The following LDLRAP1 variants were observed in gnomAD, a reference collection of about 807,000 sequenced individuals.
The protein encoded by LDLRAP1 is low density lipoprotein receptor adaptor protein 1, also known as low density lipoprotein receptor adapter protein 1.
In LDLRAP1, 30 loss-of-function variants were observed where a neutral mutation model predicts 37.8. That is an observed-to-expected ratio of 0.79 (90% CI 0.59 to 1.08). The LOEUF is 1.08. Ranked by LOEUF, LDLRAP1 falls within the 50% of genes least tolerant of loss-of-function variation. The pLI is 0.00. For missense variants in LDLRAP1, 375 were observed against 401.6 expected (o/e 0.93, Z 0.57); for synonymous variants, 156 against 169.8 (o/e 0.92, Z 0.63).
At chr1:25,583,393 A>T in the LDLRAP1 span, among the ~76,000 whole-genome samples, 2 of 151,810 alleles carry the variant, frequency 1.3e-5, no homozygotes, top group Non-Finnish European at 2.9e-5. Context: ...GGGTTTCGCC[A>T]TGTTGGCCAG....
At chr1:25,558,128 C>A (rs188447060) in intron 4 of LDLRAP1, among the ~76,000 whole-genome samples, 15 of 152,118 alleles carry the variant, frequency 9.9e-5, no homozygotes, top group Non-Finnish European at 2.2e-4. Flanking sequence ...AGTGGGTCAA[C>A]CTTTGGCATT....
chr1:25,571,998 C>G (rs1209831824), downstream of LDLRAP1, among the ~76,000 whole-genome samples: 1 of 152,160 alleles, frequency 6.6e-6, no homozygotes, highest in Non-Finnish European at 1.5e-5. Flanking sequence ...GCTGGGCTTG[C>G]AGTAGGCCAG....
At chr1:25,580,728 T>C in the LDLRAP1 span, among the ~76,000 whole-genome samples, 11 of 152,138 alleles carry the variant, frequency 7.2e-5, no homozygotes, top group African/African-American at 2.7e-4. Context: ...CCCGGGCTGG[T>C]CTCGAACTCT....
chr1:25,572,949 C>G (rs2044625184), downstream of LDLRAP1, among the ~76,000 whole-genome samples: 1 of 152,204 alleles, frequency 6.6e-6, no homozygotes, highest in Admixed American at 6.5e-5. Context: ...CCGAGTGCAG[C>G]CTCTGGGGCC....
intron 4 of LDLRAP1, among the ~76,000 whole-genome samples, chr1:25,557,619 G>A (rs1477146404): frequency 2.0e-5 from 3 of 152,142 alleles, no homozygotes; most frequent in Admixed American, 6.5e-5. Flanking sequence ...ATTGGTCCTC[G>A]GAAATGGGAG....
chr1:25,586,489 CGT>C, the LDLRAP1 span, among the ~76,000 whole-genome samples: 154 of 151,704 alleles, frequency 1.0e-3, no homozygotes, highest in African/African-American at 3.3e-3. The surrounding 1 kb of genome is among the most constrained non-coding windows in gnomAD (Gnocchi z 4.3). Flanking sequence ...CGTGCGTGTG[CGT>C]GTGTGTGTGT....
intron 8 of LDLRAP1, among the ~76,000 whole-genome samples, chr1:25,565,979 T>G (rs901841042): frequency 2.6e-5 from 4 of 152,174 alleles, no homozygotes; most frequent in Non-Finnish European, 5.9e-5. Context: ...CCTTGCCTCC[T>G]TCTTGCCAGG....
Position 25,554,820 on chromosome 1 carries a change from T to C in LDLRAP1, c.232-40T>C, listed in dbSNP as rs542777369. 30 of 1,533,690 alleles carry C rather than the reference T, an allele frequency of 2.0e-5. No homozygotes were observed. The South Asian group carries it at 3.0e-4, about 15-fold the overall frequency. ...GTAAGCCATGAGGGTGGGTCTCAAG[T>C]GAGGCTGGCAGACTCCTCTGACTCC... On this transcript the variant is annotated intron_variant, in intron 2 of 8. Transcript: ENST00000374338. The surrounding 1 kb of genome is among the most constrained non-coding windows in gnomAD (Gnocchi z 5.4).
Position 25,556,448 on chromosome 1 carries a change from C to T in LDLRAP1, c.345-705C>T, listed in dbSNP as rs190036747. On this transcript the variant is annotated intron_variant, in intron 3 of 8. Coordinates refer to ENST00000374338, the MANE Select transcript of LDLRAP1 (RefSeq NM_015627.3). The stretch of plus-strand genomic sequence containing the variant: ...CTCCTTGTTGGGTCCTCGTCACACA[C>T]GCACCCCACCCCTACTCCCAGCTCT... Among the ~76,000 whole-genome samples the T allele has an allele frequency of 2.6e-3, 399 of 152,294 alleles. 1 individual carries two copies. Among genetic ancestry groups the T allele is most frequent in the Non-Finnish European group, 4.4e-3 (296 of 68,020 alleles).
At chr1:25,569,292 CCA>C (rs776232538), downstream of LDLRAP1, among the ~76,000 whole-genome samples, 2 of 151,944 alleles carry the variant, frequency 1.3e-5, no homozygotes, top group African/African-American at 2.4e-5. Context: ...CTTTATCATT[CCA>C]CAGACTTGCT....
At chr1:25,565,852 AG>A (rs1401988076) in intron 8 of LDLRAP1, among the ~76,000 whole-genome samples, 1 of 152,152 alleles carries the variant, frequency 6.6e-6, no homozygotes, top group African/African-American at 2.4e-5. Context: ...GACCCTCAGC[AG>A]CCTCCTACAG....
At chr1:25,586,223 A>G in the LDLRAP1 span, among the ~76,000 whole-genome samples, 1 of 152,168 alleles carries the variant, frequency 6.6e-6, no homozygotes, top group East Asian at 1.9e-4. The surrounding 1 kb of genome is among the most constrained non-coding windows in gnomAD (Gnocchi z 4.3). Flanking sequence ...GAGAATGGGA[A>G]TGGCCAATCC....
intron 1 of LDLRAP1, among the ~76,000 whole-genome samples, chr1:25,546,226 G>C (rs1004018172): frequency 1.3e-5 from 2 of 152,212 alleles, no homozygotes; most frequent in African/African-American, 4.8e-5. Flanking sequence ...CCCTGTGGTT[G>C]AGTTTTGAGG....
At chr1:25,562,811 C>A in intron 5 of LDLRAP1, 95 bp downstream of exon 5, 2 of 1,123,584 alleles carry the variant, frequency 1.8e-6, no homozygotes, top group Non-Finnish European at 2.7e-6. Context: ...TGCCTCATCA[C>A]CCACCTGGCT....
rs2124701972 is a variant in LDLRAP1, at chr1:25,566,932, T to G, written c.867T>G (p.Pro289=). Residue 289 remains proline (P), a synonymous_variant, in exon 9 of 9, where the codon CCT becomes CCG. Transcript: ENST00000374338. The stretch of plus-strand genomic sequence containing the variant: ...TGCATTACGCCCAGTGCCTCTCGCC[T>G]GTCGACTGGGACAAGCCTGACAGCA... ...QDMHYAQCLS[P]VDWDKPDSSG... 6.2e-7 allele frequency: 1 copy of G among 1,613,642 alleles called. No homozygotes were observed. The highest frequency in any genetic ancestry group is 8.5e-7 in the Non-Finnish European group (1 of 1,180,030).
chr1:25,566,764 T>G, intron 8 of LDLRAP1, 84 bp from the exon 9 acceptor site: 1 of 1,521,040 alleles, frequency 6.6e-7, no homozygotes, highest in Non-Finnish European at 8.9e-7. Context: ...GCCCTGCTGT[T>G]CCCCACTGGT....
chr1:25,551,674 AG>A (rs1422601513), intron 1 of LDLRAP1, among the ~76,000 whole-genome samples: 1 of 152,114 alleles, frequency 6.6e-6, no homozygotes, highest in African/African-American at 2.4e-5. Flanking sequence ...ATTCTTTTGG[AG>A]GATCAAATGG....
the LDLRAP1 span, among the ~76,000 whole-genome samples, chr1:25,589,875 A>G: frequency 9.9e-5 from 15 of 152,266 alleles, no homozygotes; most frequent in Admixed American, 3.3e-4. Flanking sequence ...GGCCGAGGCG[A>G]GCGGATCATG....
chr1:25,554,086 G>A lies in LDLRAP1; in HGVS notation c.231+22G>A, dbSNP rs751443799. 7.4e-6 allele frequency: 12 copies of A among 1,612,778 alleles called. No homozygotes were observed. The highest frequency in any genetic ancestry group is 1.3e-5 in the African/African-American group (1 of 74,934). On this transcript the variant is annotated intron_variant, in intron 2 of 8. Coordinates refer to ENST00000374338, the MANE Select transcript of LDLRAP1 (RefSeq NM_015627.3). The surrounding 1 kb of genome is among the most constrained non-coding windows in gnomAD (Gnocchi z 5.4). ...TACAGTGAGCACCCCAGTCAGGAAG[G>A]GTGGGGGAACCAGGGACCAAGGACC...
Sources: allele counts gnomAD v4.1 joint callset (sites outside exome capture counted in the v4.1 genomes callset), GRCh38; gene constraint gnomAD v4.1.1; non-coding constraint Gnocchi (gnomAD v3.1); transcripts MANE v1.5; gene names NCBI Gene and HGNC (gene_info 2026-07-23, HGNC 2026-07-21).